The following NDNF variants were observed in gnomAD, a reference collection of about 807,000 sequenced individuals.
The protein encoded by NDNF is neuron derived neurotrophic factor.
Under a neutral mutation model 42.0 loss-of-function variants are expected in NDNF, and 16 were observed. That is an observed-to-expected ratio of 0.38 (90% CI 0.26 to 0.58). The LOEUF is 0.58. NDNF is among the 20% of genes least tolerant of loss of function. The pLI is 0.67. For missense variants in NDNF, 616 were observed against 666.2 expected, an observed-to-expected ratio of 0.92 and a Z score of 0.83; for synonymous variants, 248 against 251.7, an observed-to-expected ratio of 0.99 and a Z score of 0.14.
intron 2 of NDNF, among the ~76,000 whole-genome samples, chr4:121,043,815 C>T (rs188523193): frequency 7.4e-4 from 113 of 152,264 alleles, no homozygotes; most frequent in African/African-American, 2.5e-3. Flanking sequence ...GATTTGATTT[C>T]ACTCACACGT....
intron 1 of NDNF, among the ~76,000 whole-genome samples, chr4:121,055,275 A>T (rs1031801959): frequency 6.6e-6 from 1 of 152,200 alleles, no homozygotes; most frequent in Non-Finnish European, 1.5e-5. Context: ...GATGAAGGCT[A>T]CTGCAGTTGT....
intron 3 of NDNF, 105 bp downstream of exon 3, chr4:121,039,825 G>C: frequency 7.7e-7 from 1 of 1,305,858 alleles, no homozygotes; most frequent in South Asian, 1.6e-5. Flanking sequence ...ATTCACTTGT[G>C]CACCCATGCT....
In NDNF at chr4:121,036,843, G is replaced by A. The variant is rs780752756; in HGVS notation, c.1128C>T (p.Phe376=). ...APVSSHQKVT[F]FIHSCLDAVQ... is the part of the protein sequence containing the mutation. ...CAGCATCCAGACAAGAGTGAATAAA[G>A]AAGGTGACTTTTTGGTGAGAAGAGA... is the stretch of plus-strand genomic sequence containing the variant. Residue 376 remains phenylalanine (F), a synonymous_variant, in exon 4 of 4, where the codon TTC becomes TTT. Transcript: ENST00000379692. 8.7e-6 allele frequency: 14 copies of A among 1,614,114 alleles called. 1 individual carries two copies. The East Asian group carries it at 3.1e-4, about 36-fold the overall frequency.
At chr4:121,038,430 G>C (rs971505853) in intron 3 of NDNF, among the ~76,000 whole-genome samples, 2 of 148,684 alleles carry the variant, frequency 1.3e-5, no homozygotes, top group African/African-American at 5.2e-5. Flanking sequence ...AATGCTTAAG[G>C]TTCAAAGTAT....
chr4:121,050,049 C>A (rs1364996191), intron 1 of NDNF, among the ~76,000 whole-genome samples: 2 of 152,116 alleles, frequency 1.3e-5, no homozygotes, highest in African/African-American at 4.8e-5. Context: ...AATGTATTTA[C>A]AAGGAGCATT....
At chr4:121,064,884 T>C (rs1034264578) in intron 1 of NDNF, among the ~76,000 whole-genome samples, 1 of 152,192 alleles carries the variant, frequency 6.6e-6, no homozygotes. Flanking sequence ...TCTGGTTAAT[T>C]TCAGGGGTGT....
intron 2 of NDNF, among the ~76,000 whole-genome samples, chr4:121,043,892 G>A (rs1039681994): frequency 6.6e-6 from 1 of 152,180 alleles, no homozygotes; most frequent in African/African-American, 2.4e-5. Context: ...TAATAGTTAA[G>A]ATTAACTTGA....
At chr4:121,065,159 T>C (rs146467852) in intron 1 of NDNF, among the ~76,000 whole-genome samples, 164 of 152,328 alleles carry the variant, frequency 1.1e-3, no homozygotes, top group African/African-American at 3.9e-3. Context: ...CCTCTGCCGT[T>C]CTTTGTTGTT....
At chr4:121,055,039 G>A (rs867151724) in intron 1 of NDNF, among the ~76,000 whole-genome samples, 2 of 151,684 alleles carry the variant, frequency 1.3e-5, no homozygotes, top group African/African-American at 2.4e-5. Flanking sequence ...TTGCCACGTT[G>A]CCCAGGTTGG....
chr4:121,036,482 C>T lies in NDNF; in HGVS notation c.1489G>A (p.Glu497Lys). ...TCTGGTCCTAGACATTGGTTTTGCT[C>T]TCTTTTCTTCTGGTCTTCATTGTAG... is the stretch of plus-strand genomic sequence containing the variant. ...DNYNEDQKKR[E>K]QNQCLGPDIR... The change falls in exon 4 of 4, where the codon GAG (glutamate) becomes AAG (lysine). Residue 497 changes from glutamate (E) to lysine (K), a missense_variant. Glu to Lys is a moderately conservative substitution (Grantham distance 56). Transcript: ENST00000379692. The T allele has an allele frequency of 1.2e-6, 2 of 1,614,146 alleles. No individual in the cohort carries two copies. The highest frequency in any genetic ancestry group is 1.7e-6 in the Non-Finnish European group (2 of 1,180,016).
At chr4:121,063,705 G>T (rs1002881205) in intron 1 of NDNF, among the ~76,000 whole-genome samples, 1 of 152,070 alleles carries the variant, frequency 6.6e-6, no homozygotes, top group Non-Finnish European at 1.5e-5. Context: ...TGTCGGGGGG[G>T]CCATGGGAGG....
In NDNF at chr4:121,035,962, A is replaced by G. The variant is rs1726856034; in HGVS notation, c.*302T>C. ...GGCATATTTTAAATTTTTAGGTAAT[A>G]AAATAATTTAGAAGCAGTTCATGCA... On this transcript the variant is annotated 3_prime_UTR_variant, in exon 4 of 4. Transcript: ENST00000379692. 1 of 251,434 alleles carries G rather than the reference A, an allele frequency of 4.0e-6. No homozygotes were observed. The highest frequency in any genetic ancestry group is 7.6e-6 in the Non-Finnish European group (1 of 132,088). 15.6% of individuals were successfully genotyped at this position (251,434 alleles called of 1,614,324 possible). A position where few individuals can be genotyped will look rare whatever the true frequency, so the allele number is the denominator to read the frequency against.
chr4:121,040,069 A>C lies in NDNF; in HGVS notation c.189-15T>G. Reference sequence around the variant, plus strand: ...CAAAGAAATACCTGTGGGAAAGTGGACCACTTTAGACCGTGGTAATTCTTT... The same window carrying C: ...CAAAGAAATACCTGTGGGAAAGTGGCCCACTTTAGACCGTGGTAATTCTTT... On this transcript the variant is annotated splice_polypyrimidine_tract_variant and intron_variant, in intron 2 of 3. Transcript: ENST00000379692. 2 of 1,607,872 alleles carry C rather than the reference A, an allele frequency of 1.2e-6. No homozygotes were observed. The highest frequency in any genetic ancestry group is 1.7e-6 in the Non-Finnish European group (2 of 1,177,340).
At chr4:121,039,222 A>G (rs201334113) in intron 3 of NDNF, among the ~76,000 whole-genome samples, 1,490 of 101,792 alleles carry the variant, frequency 0.015, 181 homozygotes, top group East Asian at 0.02. Flanking sequence ...ATATATATAT[A>G]TATATATATA....
chr4:121,070,568 G>A (rs1439529461), intron 1 of NDNF, among the ~76,000 whole-genome samples: 1 of 152,162 alleles, frequency 6.6e-6, no homozygotes, highest in Non-Finnish European at 1.5e-5. Flanking sequence ...CGAGGCAGCA[G>A]GAGGAGGGGT....
At chr4:121,063,776 C>A (rs909696139) in intron 1 of NDNF, among the ~76,000 whole-genome samples, 5 of 152,048 alleles carry the variant, frequency 3.3e-5, no homozygotes, top group Admixed American at 2.0e-4. Flanking sequence ...CAGTGATTTC[C>A]CCTGTTAAAA....
intron 2 of NDNF, among the ~76,000 whole-genome samples, chr4:121,041,338 G>A (rs1726994114): frequency 6.6e-6 from 1 of 152,176 alleles, no homozygotes; most frequent in Non-Finnish European, 1.5e-5. Flanking sequence ...TTTGCCTCCT[G>A]TGGATTGAAC....
chr4:121,036,955 T>C lies in NDNF; in HGVS notation c.1016A>G (p.Lys339Arg). 1 of 1,613,956 alleles carries C rather than the reference T, an allele frequency of 6.2e-7. No homozygotes were observed. The change falls in exon 4 of 4, where the codon AAA becomes AGA. Residue 339 changes from lysine to arginine, a missense_variant. Lys to Arg is a conservative substitution (Grantham distance 26). Coordinates refer to ENST00000379692, the MANE Select transcript of NDNF (RefSeq NM_024574.4). ...GTFARTKEEA[K>R]QKTVELKDGK... ...ATCTTTTAGCTCGACTGTCTTCTGT[T>C]TGGCTTCTTCCTTGGTCCTGGCAAA...
At chr4:121,066,745 T>C (rs932373841) in intron 1 of NDNF, among the ~76,000 whole-genome samples, 9 of 152,238 alleles carry the variant, frequency 5.9e-5, no homozygotes. Context: ...TCTATCTACA[T>C]CTGTGTATAT....
Sources: allele counts gnomAD v4.1 joint callset (sites outside exome capture counted in the v4.1 genomes callset), GRCh38; gene constraint gnomAD v4.1.1; transcripts MANE v1.5; gene names NCBI Gene and HGNC (gene_info 2026-07-23, HGNC 2026-07-21).